Variants in PITPNC1 observed in about 807,000 individuals in gnomAD.
PITPNC1 encodes cytoplasmic phosphatidylinositol transfer protein 1.
A neutral mutation model predicts 44.7 loss-of-function variants in PITPNC1; 18 were observed. The observed-to-expected ratio is 0.40, with a 90% CI of 0.28 to 0.60. The LOEUF (loss-of-function observed/expected upper bound fraction) is 0.60. PITPNC1 is among the 20% of genes least tolerant of loss of function. The pLI is 0.39. For missense variants in PITPNC1, 290 were observed against 418.4 expected (o/e 0.69, Z 2.68); for synonymous variants, 141 against 149.6 (o/e 0.94, Z 0.42).
At chr17:67,687,565 T>C (rs2042840460) in intron 8 of PITPNC1, among the ~76,000 whole-genome samples, 1 of 152,222 alleles carries the variant, frequency 6.6e-6, no homozygotes, top group Admixed American at 6.5e-5. Flanking sequence ...ACTTATTCAT[T>C]CAAGGGAGGG....
chr17:67,581,375 A>G (rs2041231891), intron 5 of PITPNC1, among the ~76,000 whole-genome samples: 1 of 152,192 alleles, frequency 6.6e-6, no homozygotes, highest in Non-Finnish European at 1.5e-5. Flanking sequence ...TGCTTCCTCT[A>G]GGAGAAATCT....
intron 1 of PITPNC1, among the ~76,000 whole-genome samples, chr17:67,484,130 C>G (rs1454708437): frequency 6.6e-6 from 1 of 151,994 alleles, no homozygotes; most frequent in Admixed American, 6.6e-5. Flanking sequence ...GTTGGTTAGG[C>G]TGGTCTCGAA....
intron 1 of PITPNC1, among the ~76,000 whole-genome samples, chr17:67,443,762 G>A (rs367713481): frequency 1.9e-4 from 29 of 151,350 alleles, no homozygotes; most frequent in African/African-American, 6.8e-4. Context: ...AGCCTCCTGA[G>A]TAGTTGGAAT....
At chr17:67,670,921 C>T (rs560296667) in intron 7 of PITPNC1, among the ~76,000 whole-genome samples, 5 of 152,018 alleles carry the variant, frequency 3.3e-5, no homozygotes, top group Non-Finnish European at 5.9e-5. Flanking sequence ...CTCACTCTGT[C>T]GCCAGGCTGG....
intron 5 of PITPNC1, among the ~76,000 whole-genome samples, chr17:67,617,651 T>C (rs1270890797): frequency 6.6e-6 from 1 of 152,184 alleles, no homozygotes; most frequent in Non-Finnish European, 1.5e-5. Context: ...AAGGTCAGGC[T>C]CTTGGGGATG....
At chr17:67,519,610 T>C (rs984729870) in intron 1 of PITPNC1, among the ~76,000 whole-genome samples, 1 of 152,178 alleles carries the variant, frequency 6.6e-6, no homozygotes, top group Admixed American at 6.6e-5. Context: ...TATCTGCTTC[T>C]TTTTACCAAG....
chr17:67,674,649 G>A (rs1156379743), intron 7 of PITPNC1, among the ~76,000 whole-genome samples: 1 of 149,114 alleles, frequency 6.7e-6, no homozygotes, highest in African/African-American at 2.5e-5. Flanking sequence ...AAGAGGGAAT[G>A]TTAAGTGCTG....
chr17:67,473,578 C>T (rs1275814497), intron 1 of PITPNC1, among the ~76,000 whole-genome samples: 2 of 152,096 alleles, frequency 1.3e-5, no homozygotes, highest in Non-Finnish European at 2.9e-5. Context: ...GCTGGGATTA[C>T]AGGTGTGAGC....
intron 1 of PITPNC1, chr17:67,408,779 T>C (rs1006833857): frequency 4.0e-5 from 5 of 123,928 alleles, no homozygotes; most frequent in African/African-American, 1.8e-4. Flanking sequence ...TTTCTTTCTC[T>C]AGTCAAATGC....
intron 1 of PITPNC1, among the ~76,000 whole-genome samples, chr17:67,503,485 C>G (rs1471797832): frequency 6.6e-6 from 1 of 152,076 alleles, no homozygotes; most frequent in African/African-American, 2.4e-5. Context: ...ATGTCACACT[C>G]TGAGTAACTT....
chr17:67,453,334 C>T (rs542094657), intron 1 of PITPNC1, among the ~76,000 whole-genome samples: 63 of 152,176 alleles, frequency 4.1e-4, no homozygotes, highest in African/African-American at 1.3e-3. Flanking sequence ...CTTTGCTTTG[C>T]TTACCCCTTG....
At chr17:67,480,387 A>G (rs1352062726) in intron 1 of PITPNC1, among the ~76,000 whole-genome samples, 1 of 152,248 alleles carries the variant, frequency 6.6e-6, no homozygotes, top group Admixed American at 6.5e-5. Context: ...AGATATGTAA[A>G]GGTTTATGTA....
At chr17:67,683,162 C>CAAAAAAAAAAAAAA (rs901577194) in intron 8 of PITPNC1, among the ~76,000 whole-genome samples, 2 of 41,528 alleles carry the variant, frequency 4.8e-5, no homozygotes, top group Admixed American at 2.6e-4. Context: ...AACTGAGTCT[C>CAAAAAAAAAAAAAA]AAAAAAAAAA....
chr17:67,415,912 A>G (rs1266902441), intron 1 of PITPNC1, among the ~76,000 whole-genome samples: 2 of 39,610 alleles, frequency 5.0e-5, no homozygotes, highest in African/African-American at 1.6e-4. Context: ...CGCTTACCTA[A>G]AAAAAAAAAA....
At chr17:67,491,943 CTG>C (rs2039869999) in intron 1 of PITPNC1, among the ~76,000 whole-genome samples, 2 of 151,818 alleles carry the variant, frequency 1.3e-5, no homozygotes, top group African/African-American at 2.4e-5. Flanking sequence ...AAGCCAAAAA[CTG>C]TGCTGGCATT....
intron 1 of PITPNC1, among the ~76,000 whole-genome samples, chr17:67,436,566 C>T (rs563209896): frequency 3.3e-5 from 5 of 151,968 alleles, no homozygotes; most frequent in Non-Finnish European, 5.9e-5. Context: ...GGAAAGCGTT[C>T]GGGGCCTGGC....
chr17:67,546,779 GGAGGCCCCGGCA>G (rs1239211901), intron 2 of PITPNC1, among the ~76,000 whole-genome samples: 1 of 152,136 alleles, frequency 6.6e-6, no homozygotes, highest in Non-Finnish European at 1.5e-5. Flanking sequence ...TCCCTGCCGG[GGAGGCCCCGGCA>G]GCCTTGCCTC....
chr17:67,388,469 C>T (rs983598278), intron 1 of PITPNC1, among the ~76,000 whole-genome samples: 1 of 151,408 alleles, frequency 6.6e-6, no homozygotes, highest in Non-Finnish European at 1.5e-5. Flanking sequence ...TTACAGGTGC[C>T]CACCACCACG....
In PITPNC1 at chr17:67,459,319, G is replaced by A. The variant is rs557771218; in HGVS notation, c.49-73483G>A. On this transcript the variant is annotated intron_variant, in intron 1 of 8. Coordinates refer to ENST00000581322, the MANE Select transcript of PITPNC1 (RefSeq NM_012417.4). ...TTTAGTAGAGAAGGGGTTTCACCAT[G>A]TTGGCCAGGCTGGTCTTGAACTCCT... Among the ~76,000 whole-genome samples the A allele has an allele frequency of 3.3e-5, 5 of 152,118 alleles. No homozygotes were observed. The South Asian group carries it at 1.0e-3, about 32-fold the overall frequency.
Sources: allele counts gnomAD v4.1 joint callset (sites outside exome capture counted in the v4.1 genomes callset), GRCh38; gene constraint gnomAD v4.1.1; transcripts MANE v1.5; gene names NCBI Gene and HGNC (gene_info 2026-07-23, HGNC 2026-07-21).